Variants in GALNTL6 observed in about 807,000 individuals in gnomAD.
GALNTL6 encodes the protein polypeptide N-acetylgalactosaminyltransferase-like 6.
In GALNTL6, 46 loss-of-function variants were observed where a neutral mutation model predicts 73.7. The ratio of observed to expected loss-of-function variants is 0.62; its 90% CI spans 0.49 to 0.80. GALNTL6 has a LOEUF of 0.80. GALNTL6 is among the 30% of genes least tolerant of loss of function. The probability of loss-of-function intolerance (pLI) is 0.00; values close to 1 mark genes in which losing one functional copy is unlikely to be tolerated. For missense variants in GALNTL6, 604 were observed against 755.0 expected (o/e 0.80, Z 2.34); for synonymous variants, 259 against 263.7 (o/e 0.98, Z 0.17).
chr4:172,959,781 T>C (rs1394053169), intron 10 of GALNTL6, among the ~76,000 whole-genome samples: 1 of 152,106 alleles, frequency 6.6e-6, no homozygotes, highest in Non-Finnish European at 1.5e-5. Context: ...TTAGGAGGAA[T>C]CCTGGGCTGC....
At chr4:172,467,723 GA>G in intron 5 of GALNTL6, among the ~76,000 whole-genome samples, 1 of 152,190 alleles carries the variant, frequency 6.6e-6, no homozygotes, top group East Asian at 1.9e-4. Flanking sequence ...AATTTGGAAA[GA>G]AAAATTGAAG....
chr4:172,608,061 C>A (rs1738375995), intron 5 of GALNTL6, among the ~76,000 whole-genome samples: 1 of 152,020 alleles, frequency 6.6e-6, no homozygotes, highest in African/African-American at 2.4e-5. Flanking sequence ...AAATAGTTTG[C>A]AAATAATTTC....
chr4:172,299,409 G>A (rs1018164284), intron 3 of GALNTL6, among the ~76,000 whole-genome samples: 46 of 152,100 alleles, frequency 3.0e-4, no homozygotes, highest in Non-Finnish European at 6.0e-4. Context: ...CCTTCTACTA[G>A]CTTTTGAATG....
chr4:172,276,680 G>T (rs1013086192), intron 3 of GALNTL6, among the ~76,000 whole-genome samples: 2 of 151,806 alleles, frequency 1.3e-5, no homozygotes, highest in African/African-American at 4.8e-5. Context: ...CAACCAACTA[G>T]GTTGTGTTTG....
intron 5 of GALNTL6, among the ~76,000 whole-genome samples, chr4:172,548,734 T>G (rs1441601761): frequency 1.3e-5 from 2 of 152,200 alleles, no homozygotes; most frequent in Non-Finnish European, 2.9e-5. Flanking sequence ...CTTACCCATT[T>G]TCCAGTTTAT....
At chr4:172,459,963 C>A (rs1732552469) in intron 5 of GALNTL6, among the ~76,000 whole-genome samples, 1 of 152,024 alleles carries the variant, frequency 6.6e-6, no homozygotes, top group South Asian at 2.1e-4. Context: ...GACTTCAAAC[C>A]ATACTACAAG....
chr4:172,609,125 T>C (rs1348691550), intron 5 of GALNTL6, among the ~76,000 whole-genome samples: 1 of 152,166 alleles, frequency 6.6e-6, no homozygotes, highest in Non-Finnish European at 1.5e-5. Context: ...GTTGCCTTTT[T>C]ATTTCTTTCT....
chr4:172,952,274 C>A lies in GALNTL6; in HGVS notation c.1371+16C>A. ...CTGGGGGGAGGTGAGGAAAGGTTGC[C>A]TGAAACCTGCGCCTACCTATGAGAC... On this transcript the variant is annotated intron_variant, in intron 10 of 12. Coordinates refer to ENST00000506823, the MANE Select transcript of GALNTL6 (RefSeq NM_001034845.3). The A allele has an allele frequency of 2.5e-6, 4 of 1,590,474 alleles. No homozygotes were observed. The highest frequency in any genetic ancestry group is 3.4e-6 in the Non-Finnish European group (4 of 1,159,496).
intron 2 of GALNTL6, among the ~76,000 whole-genome samples, chr4:172,219,847 G>C (rs142667620): frequency 6.6e-6 from 1 of 151,878 alleles, no homozygotes; most frequent in Admixed American, 6.6e-5. Flanking sequence ...AAGCAACCTG[G>C]TTTTGATATT....
intron 2 of GALNTL6, among the ~76,000 whole-genome samples, chr4:172,026,626 G>A (rs2110811749): frequency 6.6e-6 from 1 of 152,104 alleles, no homozygotes; most frequent in South Asian, 2.1e-4. Context: ...CATTACATAA[G>A]TATTCATGCT....
intron 2 of GALNTL6, among the ~76,000 whole-genome samples, chr4:172,080,207 C>G (rs12171398): frequency 0.48 from 72,814 of 151,904 alleles, 17,842 homozygotes; most frequent in Admixed American, 0.51. Flanking sequence ...TAGAGACAAG[C>G]TCTCGCTTTG....
chr4:172,191,003 A>T (rs1735564592), intron 2 of GALNTL6, among the ~76,000 whole-genome samples: 1 of 152,096 alleles, frequency 6.6e-6, no homozygotes, highest in African/African-American at 2.4e-5. Context: ...CCTCTCAAAG[A>T]TTTCACTTAC....
chr4:172,789,896 T>G (rs1739895305), intron 5 of GALNTL6, among the ~76,000 whole-genome samples: 1 of 152,176 alleles, frequency 6.6e-6, no homozygotes, highest in Non-Finnish European at 1.5e-5. Flanking sequence ...ACTAAGGCTA[T>G]GGGAGTTATG....
At chr4:172,439,219 ATTCT>A (rs1416786872) in intron 5 of GALNTL6, among the ~76,000 whole-genome samples, 2 of 146,522 alleles carry the variant, frequency 1.4e-5, no homozygotes, top group South Asian at 4.3e-4. Context: ...CACTTCTCAC[ATTCT>A]TTCTGTTTTT....
At chr4:172,454,224 T>C (rs1732312264) in intron 5 of GALNTL6, among the ~76,000 whole-genome samples, 1 of 152,234 alleles carries the variant, frequency 6.6e-6, no homozygotes, top group Admixed American at 6.5e-5. Flanking sequence ...TGTTTTCCTC[T>C]ACATTTGCTC....
chr4:172,751,004 T>C (rs1737391347), intron 5 of GALNTL6, among the ~76,000 whole-genome samples: 2 of 152,132 alleles, frequency 1.3e-5, no homozygotes, highest in African/African-American at 4.8e-5. Flanking sequence ...TATATGTGGG[T>C]TGTGAAGTGG....
At chr4:172,844,730 T>C (rs886855501) in intron 7 of GALNTL6, among the ~76,000 whole-genome samples, 2 of 152,084 alleles carry the variant, frequency 1.3e-5, no homozygotes, top group Admixed American at 1.3e-4. Flanking sequence ...AGTGTGACAG[T>C]GTTCTCAGGG....
At chr4:172,324,981 A>G (rs1351684468) in intron 4 of GALNTL6, among the ~76,000 whole-genome samples, 3 of 151,584 alleles carry the variant, frequency 2.0e-5, no homozygotes, top group African/African-American at 4.8e-5. Context: ...AGAAAATTTC[A>G]TTTAGTAAAG....
intron 2 of GALNTL6, among the ~76,000 whole-genome samples, chr4:171,860,593 A>G (rs1186600430): frequency 1.3e-5 from 2 of 152,138 alleles, no homozygotes; most frequent in East Asian, 3.8e-4. Flanking sequence ...CTGCTTCTTC[A>G]CATGTTTAAC....
Sources: gnomAD v4.1 joint callset for allele counts (sites outside exome capture counted in the v4.1 genomes callset) on GRCh38, gnomAD v4.1.1 for gene constraint, MANE v1.5 for transcripts, NCBI Gene and HGNC (gene_info 2026-07-23, HGNC 2026-07-21) for gene names.